Variants in ACVR2B observed in about 807,000 individuals in gnomAD.
ACVR2B encodes activin A receptor type 2B, also known as activin receptor type-2B.
Under a neutral mutation model 65.1 loss-of-function variants are expected in ACVR2B, and 18 were observed. The ratio of observed to expected loss-of-function variants is 0.28; its 90% CI spans 0.19 to 0.41. The LOEUF (loss-of-function observed/expected upper bound fraction) is 0.41. ACVR2B is among the 10% of genes least tolerant of loss of function. The pLI, the probability that ACVR2B is intolerant of heterozygous loss-of-function variation, is 1.00. For missense variants in ACVR2B, 482 were observed against 682.7 expected, an observed-to-expected ratio of 0.71 and a Z score of 3.28; for synonymous variants, 298 against 277.7, an observed-to-expected ratio of 1.07 and a Z score of -0.73.
At chr3:38,458,085 A>C (rs1388602429) in intron 1 of ACVR2B, among the ~76,000 whole-genome samples, 2 of 152,126 alleles carry the variant, frequency 1.3e-5, no homozygotes, top group Non-Finnish European at 2.9e-5. Context: ...TCCAGGCCCT[A>C]TAGCTGGGTA....
rs1411101478 is a variant in ACVR2B, at chr3:38,485,029, G to A, written c.*1697G>A. 1 of 152,396 alleles carries A rather than the reference G, an allele frequency of 6.6e-6. No homozygotes were observed. The highest frequency in any genetic ancestry group is 2.4e-5 in the African/African-American group (1 of 41,452). 9.4% of individuals were successfully genotyped at this position (152,396 alleles called of 1,614,324 possible). A position where few individuals can be genotyped will look rare whatever the true frequency, so the allele number is the denominator to read the frequency against. On this transcript the variant is annotated 3_prime_UTR_variant, in exon 11 of 11. Transcript: ENST00000352511. ...CTGGGCCAAGTCTGGGCATTTATCA[G>A]TCTTGTTTGTGAAGGCTTTTCCTTC...
At chr3:38,458,025 G>T (rs181551111) in intron 1 of ACVR2B, among the ~76,000 whole-genome samples, 258 of 152,284 alleles carry the variant, frequency 1.7e-3, no homozygotes, top group Non-Finnish European at 2.5e-3. Flanking sequence ...ATCCTCCCTA[G>T]CTCTTAGGGG....
rs1398143759 is a variant in ACVR2B at position 38,492,944 on chromosome 3, G to A, written c.*9612G>A. On this transcript the variant is annotated 3_prime_UTR_variant, in exon 11 of 11. Transcript: ENST00000352511. ...TTTACTGTGGTAATTTTAGAAATGA[G>A]TGTCAAGTTTGAAATTAGATCTGCT... 1 of 152,478 alleles carries A rather than the reference G, an allele frequency of 6.6e-6. No homozygotes were observed. Among genetic ancestry groups the A allele is most frequent in the Non-Finnish European group, 1.5e-5 (1 of 68,032 alleles). 9.4% of individuals were successfully genotyped at this position (152,478 alleles called of 1,614,324 possible).
rs1559662938 is a variant in ACVR2B, at chr3:38,492,791, CA to C, written c.*9460del. 3.0e-4 allele frequency: 16 copies of C among 53,358 alleles called. No individual in the cohort carries two copies. Among genetic ancestry groups the C allele is most frequent in the Non-Finnish European group, 6.7e-4 (16 of 24,012 alleles). 3.3% of individuals were successfully genotyped at this position (53,358 alleles called of 1,614,324 possible). A position where few individuals can be genotyped will look rare whatever the true frequency, so the allele number is the denominator to read the frequency against. On this transcript the variant is annotated 3_prime_UTR_variant, in exon 11 of 11. Transcript: ENST00000352511. ...ACACACACACACACACACACACACA[CA>C]CACACACACACATACACCTAAAATG...
Position 38,479,782 on chromosome 3 carries a change from G to C in ACVR2B, c.915G>C (p.Val305=), listed in dbSNP as rs768454140. ...SRGLSYLHED[V]PWCRGEGHKP... is the part of the protein sequence containing the mutation. ...GCCTCTCATACCTGCATGAGGATGTGCCCTGGTGCCGTGGCGAGGGCCACA... is the reference window on the plus strand; with the variant it reads ...GCCTCTCATACCTGCATGAGGATGTCCCCTGGTGCCGTGGCGAGGGCCACA... The change falls in exon 7 of 11, where the codon GTG becomes GTC. Residue 305 remains valine (V), a synonymous_variant. Transcript: ENST00000352511. 2 of 1,614,136 alleles carry C rather than the reference G, an allele frequency of 1.2e-6. No individual in the cohort carries two copies. The highest frequency in any genetic ancestry group is 2.2e-5 in the East Asian group (1 of 44,896).
intron 5 of ACVR2B, among the ~76,000 whole-genome samples, chr3:38,478,895 A>C (rs1709963010): frequency 6.6e-6 from 1 of 152,040 alleles, no homozygotes; most frequent in Non-Finnish European, 1.5e-5. Context: ...TCGAAGTGCT[A>C]GCCTTAAGTG....
chr3:38,485,205 G>A lies in ACVR2B; in HGVS notation c.*1873G>A, dbSNP rs556136394. On this transcript the variant is annotated 3_prime_UTR_variant, in exon 11 of 11. Transcript: ENST00000352511. ...TTGGAGCTTCACATGTAATTCACAT[G>A]TAACATGTAACTTGATCGGTCAGTG... 6.6e-6 allele frequency: 1 copy of A among 152,356 alleles called. No homozygotes were observed. Among genetic ancestry groups the A allele is most frequent in the African/African-American group, 2.4e-5 (1 of 41,586 alleles). 9.4% of individuals were successfully genotyped at this position (152,356 alleles called of 1,614,324 possible). A position where few individuals can be genotyped will look rare whatever the true frequency, so the allele number is the denominator to read the frequency against.
chr3:38,455,552 C>A (rs915419591), intron 1 of ACVR2B, among the ~76,000 whole-genome samples: 2 of 152,102 alleles, frequency 1.3e-5, no homozygotes, highest in Non-Finnish European at 2.9e-5. Context: ...CCATTCCCAC[C>A]CTGGTTCTAC....
intron 1 of ACVR2B, among the ~76,000 whole-genome samples, chr3:38,460,035 G>A (rs1347769003): frequency 3.9e-5 from 6 of 152,206 alleles, no homozygotes; most frequent in Admixed American, 3.3e-4. Context: ...GACTCTTAGG[G>A]TGGAGGAAGC....
chr3:38,463,857 A>C (rs1167946277), intron 1 of ACVR2B, among the ~76,000 whole-genome samples: 1 of 152,144 alleles, frequency 6.6e-6, no homozygotes, highest in African/African-American at 2.4e-5. Context: ...TTAAAGATGA[A>C]GGTGCTGTCA....
At position 38,488,159 on chromosome 3, in the gene ACVR2B, A is replaced by G. The variant is rs889891571; in HGVS notation, c.*4827A>G. The G allele has an allele frequency of 3.3e-5, 5 of 152,238 alleles. No individual in the cohort carries two copies. Among genetic ancestry groups the G allele is most frequent in the African/African-American group, 1.2e-4 (5 of 41,470 alleles). The allele number at this position is 152,238 out of a possible 1,614,324, so 9.4% of individuals were successfully genotyped here. A position where few individuals can be genotyped will look rare whatever the true frequency, so the allele number is the denominator to read the frequency against. The stretch of plus-strand genomic sequence containing the variant: ...AAATACTTAGCAGCTAACATGTTCA[A>G]TCTAGTAATGATGAGTTTAAATCTC... On this transcript the variant is annotated 3_prime_UTR_variant, in exon 11 of 11. Coordinates refer to ENST00000352511, the MANE Select transcript of ACVR2B (RefSeq NM_001106.4).
intron 1 of ACVR2B, among the ~76,000 whole-genome samples, chr3:38,459,371 C>T (rs992492543): frequency 5.9e-5 from 9 of 152,190 alleles, no homozygotes; most frequent in East Asian, 1.9e-4. Flanking sequence ...CCTGCCTGCC[C>T]GCACCCGCCC....
intron 1 of ACVR2B, chr3:38,476,816 G>A: frequency 4.4e-6 from 1 of 228,308 alleles, no homozygotes; most frequent in Non-Finnish European, 8.8e-6. Context: ...GTATTTGAAT[G>A]AACACTGCTC....
chr3:38,475,327 C>T (rs1327677833), intron 1 of ACVR2B: 2 of 152,248 alleles, frequency 1.3e-5, no homozygotes, highest in Non-Finnish European at 2.9e-5. Flanking sequence ...GACCCTGAGG[C>T]CCTTCCTTTA....
Position 38,454,506 on chromosome 3 carries a change from C to CGGGGGCGTGGGCT in ACVR2B, c.52+140_52+152dup, listed in dbSNP as rs56340559. 3,653 of 837,010 alleles carry CGGGGGCGTGGGCT rather than the reference C, an allele frequency of 4.4e-3. 16 individuals are homozygous for CGGGGGCGTGGGCT. The highest frequency in any genetic ancestry group is 9.1e-3 in the Admixed American group (195 of 21,508). 51.8% of individuals were successfully genotyped at this position (837,010 alleles called of 1,614,324 possible). On this transcript the variant is annotated intron_variant, in intron 1 of 10. Transcript: ENST00000352511. ...ACCACCTGTATTCAGCCCTCACCTC[C>CGGGGGCGTGGGCT]GGGGGCGTGGGCTGGGGGCGCGGTG...
chr3:38,480,651 T>C (rs1710001837), intron 7 of ACVR2B, among the ~76,000 whole-genome samples: 2 of 152,174 alleles, frequency 1.3e-5, no homozygotes, highest in African/African-American at 4.8e-5. Flanking sequence ...AGTAATGACA[T>C]AGAAGGTAGA....
At chr3:38,463,630 T>G (rs138917161) in intron 1 of ACVR2B, among the ~76,000 whole-genome samples, 42 of 152,340 alleles carry the variant, frequency 2.8e-4, no homozygotes, top group African/African-American at 9.4e-4. Flanking sequence ...ATTCTTTATG[T>G]AAGTCCACTT....
At chr3:38,471,897 C>T (rs1252716345) in intron 1 of ACVR2B, among the ~76,000 whole-genome samples, 1 of 152,190 alleles carries the variant, frequency 6.6e-6, no homozygotes, top group Non-Finnish European at 1.5e-5. Context: ...TAATGCATAT[C>T]AACCTGGATG....
chr3:38,480,778 T>TA (rs1368016647), intron 7 of ACVR2B, among the ~76,000 whole-genome samples: 1 of 152,206 alleles, frequency 6.6e-6, no homozygotes, highest in Non-Finnish European at 1.5e-5. Context: ...CATTTGCACT[T>TA]ACCACTCAGT....
Sources: allele counts gnomAD v4.1 joint callset (sites outside exome capture counted in the v4.1 genomes callset), GRCh38; gene constraint gnomAD v4.1.1; transcripts MANE v1.5; gene names NCBI Gene and HGNC (gene_info 2026-07-23, HGNC 2026-07-21).